The following TAFA4 variants were observed in gnomAD, a reference collection of about 807,000 sequenced individuals.
TAFA4 encodes the protein chemokine-like protein TAFA-4.
Under a neutral mutation model 21.1 loss-of-function variants are expected in TAFA4, and 20 were observed. That is an observed-to-expected ratio of 0.95 (90% CI 0.67 to 1.38). The LOEUF (loss-of-function observed/expected upper bound fraction) is 1.38, where lower values mean the gene tolerates loss of function less well. TAFA4 is among the 40% of genes most tolerant of loss of function. The probability of loss-of-function intolerance (pLI) is 0.00; values close to 1 mark genes in which losing one functional copy is unlikely to be tolerated. For missense variants in TAFA4, 211 were observed against 180.9 expected, an observed-to-expected ratio of 1.17 and a Z score of -0.95; for synonymous variants, 71 against 67.4, an observed-to-expected ratio of 1.05 and a Z score of -0.26.
chr3:68,783,980 A>T (rs1703203906), intron 3 of TAFA4, among the ~76,000 whole-genome samples: 1 of 152,220 alleles, frequency 6.6e-6, no homozygotes. Context: ...AATTAGGGAA[A>T]AGATGTGCAA....
At chr3:68,929,913 A>T (rs1319805057) in intron 1 of TAFA4, among the ~76,000 whole-genome samples, 3 of 152,232 alleles carry the variant, frequency 2.0e-5, no homozygotes, top group Non-Finnish European at 4.4e-5. Flanking sequence ...TTGTCAATGC[A>T]TGTTCAAATC....
chr3:68,757,133 A>G (rs947841343), intron 3 of TAFA4, among the ~76,000 whole-genome samples: 1 of 152,092 alleles, frequency 6.6e-6, no homozygotes, highest in Non-Finnish European at 1.5e-5. Flanking sequence ...CTTAAACAAC[A>G]GAAAGGTATT....
chr3:68,771,901 G>C (rs1180357488), intron 3 of TAFA4, among the ~76,000 whole-genome samples: 1 of 152,214 alleles, frequency 6.6e-6, no homozygotes, highest in Non-Finnish European at 1.5e-5. Flanking sequence ...ATTGAGTATT[G>C]TGTAACCAAG....
intron 3 of TAFA4, among the ~76,000 whole-genome samples, chr3:68,818,499 C>G (rs1017353856): frequency 1.3e-5 from 2 of 152,216 alleles, no homozygotes; most frequent in Admixed American, 6.5e-5. Flanking sequence ...TCAGCATATC[C>G]CAGCGTATTT....
chr3:68,841,184 G>A (rs1704654205), intron 3 of TAFA4, among the ~76,000 whole-genome samples: 1 of 120,738 alleles, frequency 8.3e-6, no homozygotes, highest in Non-Finnish European at 1.9e-5. Context: ...TTAGCCGGGC[G>A]TAGTGGCGCG....
rs1010793167 is a variant in TAFA4 at position 68,858,638 on chromosome 3, T to C, written c.130+22092A>G. Among the ~76,000 whole-genome samples the C allele has an allele frequency of 2.0e-5, 3 of 151,198 alleles. 1 individual carries two copies. The South Asian group carries it at 6.3e-4, about 32-fold the overall frequency. ...TTTAAGGCGTATGCATTCACATAGA[T>C]GCAAGTGGAATTCTACACATAAAAA... On this transcript the variant is annotated intron_variant, in intron 3 of 5. Transcript: ENST00000295569.
chr3:68,736,201 A>G (rs1252292001), intron 5 of TAFA4, among the ~76,000 whole-genome samples: 1 of 151,962 alleles, frequency 6.6e-6, no homozygotes, highest in Admixed American at 6.6e-5. Context: ...TAAAATGGCA[A>G]CCCCAGATAG....
intron 1 of TAFA4, among the ~76,000 whole-genome samples, chr3:68,905,539 A>C (rs1003740875): frequency 6.6e-6 from 1 of 152,190 alleles, no homozygotes; most frequent in African/African-American, 2.4e-5. Context: ...AATTAGATCA[A>C]AGAAAGAGTG....
At chr3:68,811,269 TC>T (rs1451874198) in intron 3 of TAFA4, among the ~76,000 whole-genome samples, 2 of 152,102 alleles carry the variant, frequency 1.3e-5, no homozygotes, top group Non-Finnish European at 2.9e-5. Context: ...AGAGTACCTC[TC>T]CTCCTCCAAA....
intron 3 of TAFA4, among the ~76,000 whole-genome samples, chr3:68,840,230 C>T (rs1433033263): frequency 6.6e-6 from 1 of 152,180 alleles, no homozygotes; most frequent in Non-Finnish European, 1.5e-5. Flanking sequence ...TGATTTATGA[C>T]AAGGTCTCAC....
intron 3 of TAFA4, among the ~76,000 whole-genome samples, chr3:68,869,025 GA>G (rs1159563804): frequency 4.0e-5 from 6 of 150,740 alleles, no homozygotes; most frequent in African/African-American, 1.2e-4. Context: ...TAATCAGAAA[GA>G]AAAAAAAGAA....
intron 1 of TAFA4, among the ~76,000 whole-genome samples, chr3:68,889,647 C>G (rs1222999260): frequency 6.6e-6 from 1 of 152,148 alleles, no homozygotes; most frequent in East Asian, 1.9e-4. Context: ...ATACCAGTTC[C>G]TCTTAAAATT....
intron 3 of TAFA4, among the ~76,000 whole-genome samples, chr3:68,852,815 T>C (rs1438869592): frequency 6.6e-6 from 1 of 151,968 alleles, no homozygotes; most frequent in Non-Finnish European, 1.5e-5. Context: ...AAATAATACA[T>C]AAATAAAGCA....
chr3:68,900,056 T>C (rs972334405), intron 1 of TAFA4, among the ~76,000 whole-genome samples: 1 of 139,360 alleles, frequency 7.2e-6, no homozygotes, highest in Admixed American at 7.6e-5. Context: ...CTGGGCAACA[T>C]GGCAAAACCC....
chr3:68,787,382 G>C (rs1299613816), intron 3 of TAFA4, among the ~76,000 whole-genome samples: 2 of 152,114 alleles, frequency 1.3e-5, no homozygotes, highest in African/African-American at 4.8e-5. Context: ...ATTTATACCA[G>C]AGGTTTTCAT....
At chr3:68,808,379 AG>A (rs1395959426) in intron 3 of TAFA4, among the ~76,000 whole-genome samples, 4 of 152,202 alleles carry the variant, frequency 2.6e-5, no homozygotes, top group African/African-American at 9.7e-5. Flanking sequence ...CAGTTGTCCT[AG>A]AATGAAGCAG....
chr3:68,739,140 A>C lies in TAFA4; in HGVS notation c.346T>G (p.Cys116Gly). The C allele has an allele frequency of 6.2e-7, 1 of 1,614,036 alleles. No individual in the cohort carries two copies. The highest frequency in any genetic ancestry group is 8.5e-7 in the Non-Finnish European group (1 of 1,179,912). The part of the protein sequence containing the change: ...HMNPCLEGED[C>G]KVLPDYSGWS... Reference sequence around the variant, plus strand: ...CCTGAGTAATCTGGCAGCACTTTACAATCCTCTCCTTCCAAACACGGATTC... The same window carrying C: ...CCTGAGTAATCTGGCAGCACTTTACCATCCTCTCCTTCCAAACACGGATTC... Residue 116 changes from cysteine (C) to glycine (G), a missense_variant, in exon 5 of 6, where the codon TGT (cysteine) becomes GGT (glycine). Coordinates refer to ENST00000295569, the MANE Select transcript of TAFA4 (RefSeq NM_182522.5).
intron 3 of TAFA4, among the ~76,000 whole-genome samples, chr3:68,847,651 T>C (rs1025702231): frequency 4.6e-5 from 7 of 152,234 alleles, no homozygotes; most frequent in Admixed American, 4.6e-4. Flanking sequence ...CGAGGGAATC[T>C]CCTGGTCTGC....
chr3:68,843,628 A>G (rs1421564626), intron 3 of TAFA4, among the ~76,000 whole-genome samples: 1 of 152,218 alleles, frequency 6.6e-6, no homozygotes, highest in African/African-American at 2.4e-5. Context: ...ACGTTTTGCC[A>G]TTCAGCATGA....
Sources: gnomAD v4.1 joint callset for allele counts (sites outside exome capture counted in the v4.1 genomes callset) on GRCh38, gnomAD v4.1.1 for gene constraint, MANE v1.5 for transcripts, NCBI Gene and HGNC (gene_info 2026-07-23, HGNC 2026-07-21) for gene names.